Variants in NDRG3 observed in about 807,000 individuals in gnomAD.
The protein encoded by NDRG3 is NDRG family member 3, also known as protein NDRG3.
In NDRG3, 23 loss-of-function variants were observed where a neutral mutation model predicts 57.2. That is an observed-to-expected ratio of 0.40 (90% CI 0.29 to 0.57). NDRG3 has a LOEUF of 0.57. Among genes scored for constraint, NDRG3 ranks in the 20% least tolerant of loss-of-function variants. The pLI is 0.42. For missense variants in NDRG3, 384 were observed against 457.3 expected, an observed-to-expected ratio of 0.84 and a Z score of 1.46; for synonymous variants, 132 against 162.6, an observed-to-expected ratio of 0.81 and a Z score of 1.43.
intron 2 of NDRG3, among the ~76,000 whole-genome samples, chr20:36,715,002 GTGTGTATATATATATATATATATA>G (rs1318649620): frequency 0.021 from 838 of 39,592 alleles, 38 homozygotes; most frequent in African/African-American, 0.043. Context: ...GTGTGTGTGT[GTGTGTATATATATATATATATATA>G]TATATATATA....
intron 13 of NDRG3, among the ~76,000 whole-genome samples, chr20:36,657,626 T>C (rs1435315058): frequency 6.6e-6 from 1 of 152,186 alleles, no homozygotes; most frequent in Non-Finnish European, 1.5e-5. Flanking sequence ...TGGACTCAGA[T>C]GGTATTCTTC....
At chr20:36,686,002 C>A (rs1351898885) in intron 5 of NDRG3, among the ~76,000 whole-genome samples, 1 of 152,116 alleles carries the variant, frequency 6.6e-6, no homozygotes, top group African/African-American at 2.4e-5. Context: ...AAAGCACTAT[C>A]CTATCTCAAG....
intron 1 of NDRG3, among the ~76,000 whole-genome samples, chr20:36,736,747 T>A (rs1345298222): frequency 6.6e-6 from 1 of 152,116 alleles, no homozygotes; most frequent in Admixed American, 6.6e-5. Flanking sequence ...GGAAGACTTT[T>A]AAAAATGCAG....
intron 1 of NDRG3, among the ~76,000 whole-genome samples, chr20:36,726,328 A>G (rs1313152300): frequency 6.6e-6 from 1 of 152,184 alleles, no homozygotes; most frequent in African/African-American, 2.4e-5. Flanking sequence ...GCTAGGCCCA[A>G]TGCAGGCTCA....
intron 2 of NDRG3, among the ~76,000 whole-genome samples, chr20:36,714,930 G>A (rs1984146212): frequency 7.0e-6 from 1 of 142,090 alleles, no homozygotes; most frequent in African/African-American, 2.6e-5. Context: ...TTGTTTTCAA[G>A]TAGAAATCTG....
At chr20:36,660,430 GA>G (rs745468478) in intron 12 of NDRG3, 46 bp from the exon 13 acceptor site, 19 of 1,417,498 alleles carry the variant, frequency 1.3e-5, no homozygotes, top group Admixed American at 3.4e-5. Context: ...GAGTTGCTAG[GA>G]AAAAAAACGA....
chr20:36,739,669 T>G (rs1277195517), intron 1 of NDRG3, among the ~76,000 whole-genome samples: 1 of 151,580 alleles, frequency 6.6e-6, no homozygotes, highest in Non-Finnish European at 1.5e-5. Context: ...ACGCCTATAA[T>G]CCCAGCACTT....
intron 1 of NDRG3, among the ~76,000 whole-genome samples, chr20:36,742,135 C>T (rs1447550980): frequency 6.6e-6 from 1 of 152,194 alleles, no homozygotes; most frequent in Non-Finnish European, 1.5e-5. Flanking sequence ...TCCCATGATA[C>T]AGCTAGTCCC....
intron 3 of NDRG3, among the ~76,000 whole-genome samples, chr20:36,701,949 A>G (rs570523697): frequency 2.4e-4 from 37 of 151,522 alleles, no homozygotes; most frequent in Admixed American, 1.8e-3. Flanking sequence ...TTTTTTCTTG[A>G]GCCCTCTGAC....
intron 3 of NDRG3, among the ~76,000 whole-genome samples, chr20:36,703,934 T>C (rs899204738): frequency 1.3e-5 from 2 of 152,186 alleles, no homozygotes; most frequent in African/African-American, 2.4e-5. Flanking sequence ...TATATATATG[T>C]ATGGAAAAAA....
intron 2 of NDRG3, among the ~76,000 whole-genome samples, chr20:36,710,492 AC>A (rs1483159485): frequency 6.6e-6 from 1 of 152,064 alleles, no homozygotes; most frequent in Non-Finnish European, 1.5e-5. Flanking sequence ...CTAAAAAAAT[AC>A]CCAATTTAGT....
At chr20:36,675,760 G>A (rs573251351) in intron 8 of NDRG3, among the ~76,000 whole-genome samples, 40 of 152,120 alleles carry the variant, frequency 2.6e-4, no homozygotes, top group African/African-American at 7.9e-4. Flanking sequence ...GGGCTCAAGC[G>A]ATCCTCCTGC....
rs981943961 is a variant in NDRG3, at chr20:36,665,206, C to T, written c.758+30G>A. ...GAACACCAAATTAGTCTATATTTGGCAAGTCAGCTGAGGAAACTGAGGAAC... is the reference window on the plus strand; with the variant it reads ...GAACACCAAATTAGTCTATATTTGGTAAGTCAGCTGAGGAAACTGAGGAAC... On this transcript the variant is annotated intron_variant, in intron 11 of 15. Transcript: ENST00000349004. 2.5e-6 allele frequency: 4 copies of T among 1,610,604 alleles called. No individual in the cohort carries two copies. In the African/African-American group the frequency reaches 5.3e-5, roughly 21 times the overall value.
chr20:36,690,529 C>A (rs1342633655), intron 3 of NDRG3, among the ~76,000 whole-genome samples: 6 of 72,536 alleles, frequency 8.3e-5, no homozygotes, highest in East Asian at 7.7e-4. Context: ...CTCAGGAACC[C>A]AATAGAGCAG....
chr20:36,745,598 C>T (rs1178012916), intron 1 of NDRG3, among the ~76,000 whole-genome samples: 1 of 152,242 alleles, frequency 6.6e-6, no homozygotes, highest in Non-Finnish European at 1.5e-5. Context: ...CTCTGCTGCT[C>T]TGGGGCCGGA....
At chr20:36,695,947 T>C (rs1038278045) in intron 3 of NDRG3, among the ~76,000 whole-genome samples, 1 of 152,206 alleles carries the variant, frequency 6.6e-6, no homozygotes, top group African/African-American at 2.4e-5. Context: ...CCTGCCGACA[T>C]GTGATGTCTC....
intron 1 of NDRG3, among the ~76,000 whole-genome samples, chr20:36,740,720 C>G: frequency 6.6e-6 from 1 of 152,150 alleles, no homozygotes; most frequent in East Asian, 1.9e-4. Flanking sequence ...TCTGAGTGGA[C>G]TACTAGCCCT....
At chr20:36,690,079 A>T (rs1008755875) in intron 3 of NDRG3, among the ~76,000 whole-genome samples, 1 of 152,140 alleles carries the variant, frequency 6.6e-6, no homozygotes, top group African/African-American at 2.4e-5. Context: ...AAGAGGAATC[A>T]ACTTGGGAGA....
chr20:36,733,573 A>G (rs1301575736), intron 1 of NDRG3, among the ~76,000 whole-genome samples: 2 of 152,010 alleles, frequency 1.3e-5, no homozygotes. Context: ...ATATACAAAA[A>G]ATTAGCCGGG....
Sources: allele counts gnomAD v4.1 joint callset (sites outside exome capture counted in the v4.1 genomes callset), GRCh38; gene constraint gnomAD v4.1.1; transcripts MANE v1.5; gene names NCBI Gene and HGNC (gene_info 2026-07-23, HGNC 2026-07-21).